Variants in GMPR observed in about 807,000 individuals in gnomAD.
GMPR encodes the protein guanosine monophosphate reductase.
A neutral mutation model predicts 38.4 loss-of-function variants in GMPR; 31 were observed. The observed-to-expected ratio is 0.81, with a 90% CI of 0.61 to 1.09. GMPR has a LOEUF of 1.09. Ranked by LOEUF, GMPR falls within the 50% of genes least tolerant of loss-of-function variation. The pLI is 0.00. For missense variants in GMPR, 468 were observed against 453.7 expected, an observed-to-expected ratio of 1.03 and a Z score of -0.29; for synonymous variants, 162 against 173.3, an observed-to-expected ratio of 0.93 and a Z score of 0.51.
intron 4 of GMPR, chr6:16,259,335 A>C (rs575827682): frequency 1.3e-5 from 2 of 151,928 alleles, no homozygotes; most frequent in African/African-American, 4.8e-5. Flanking sequence ...TTGTGGTAGA[A>C]TGTCATCAGT....
At position 16,275,406 on chromosome 6, in the gene GMPR, T is replaced by C. The variant is rs111438624; in HGVS notation, c.547+910T>C. Among the ~76,000 whole-genome samples, 1,345 of 152,256 alleles carry C rather than the reference T, an allele frequency of 8.8e-3. 10 individuals carry two copies. Among genetic ancestry groups the C allele is most frequent in the Non-Finnish European group, 0.015 (1,002 of 68,016 alleles). On this transcript the variant is annotated intron_variant, in intron 5 of 8. Transcript: ENST00000259727. ...GCTGTTGAGCTGTGACTTGGCTCCGTGATCAGCCTGAGGGAATTGGATGTG... is the reference window on the plus strand; with the variant it reads ...GCTGTTGAGCTGTGACTTGGCTCCGCGATCAGCCTGAGGGAATTGGATGTG...
intron 7 of GMPR, among the ~76,000 whole-genome samples, chr6:16,286,348 C>T (rs1759678109): frequency 6.6e-6 from 1 of 151,906 alleles, no homozygotes; most frequent in Admixed American, 6.5e-5. Context: ...CTCTGGAAAG[C>T]ACTAGACGCT....
At chr6:16,241,523 T>C (rs1043967703) in intron 1 of GMPR, among the ~76,000 whole-genome samples, 7 of 152,210 alleles carry the variant, frequency 4.6e-5, no homozygotes, top group African/African-American at 7.2e-5. Context: ...ATCTCTCAAA[T>C]GTCCAGCCCC....
At chr6:16,289,205 C>T (rs1040721634) in intron 7 of GMPR, among the ~76,000 whole-genome samples, 1 of 152,146 alleles carries the variant, frequency 6.6e-6, no homozygotes, top group African/African-American at 2.4e-5. Flanking sequence ...CCAACCCCAC[C>T]AGAAGGAAAA....
At chr6:16,239,796 C>G (rs1758611422) in intron 1 of GMPR, among the ~76,000 whole-genome samples, 2 of 152,242 alleles carry the variant, frequency 1.3e-5, no homozygotes, top group Admixed American at 1.3e-4. Flanking sequence ...CGAGGGCTTG[C>G]TTGGATTGGG....
intron 1 of GMPR, among the ~76,000 whole-genome samples, chr6:16,244,098 CTT>C (rs767681779): frequency 2.9e-5 from 4 of 136,686 alleles, no homozygotes; most frequent in South Asian, 2.3e-4. Flanking sequence ...AATGAAATTG[CTT>C]TTTTTTTTTT....
intron 4 of GMPR, among the ~76,000 whole-genome samples, chr6:16,267,646 T>TAACA (rs1251455101): frequency 6.6e-6 from 1 of 152,032 alleles, no homozygotes; most frequent in African/African-American, 2.4e-5. Flanking sequence ...CAGCCGAAGG[T>TAACA]CTGTGGCTCC....
intron 4 of GMPR, among the ~76,000 whole-genome samples, chr6:16,265,838 C>T (rs554707320): frequency 6.8e-4 from 104 of 152,272 alleles, no homozygotes; most frequent in Non-Finnish European, 9.8e-4. Flanking sequence ...AGGTTTTCTT[C>T]GTTCGCTTGC....
Position 16,274,462 on chromosome 6 carries a change from C to T in GMPR, c.513C>T (p.Ser171=), listed in dbSNP as rs528396154. 37 of 1,609,592 alleles carry T rather than the reference C, an allele frequency of 2.3e-5. No individual in the cohort carries two copies. The highest frequency in any genetic ancestry group is 1.6e-4 in the African/African-American group (12 of 74,830). ...AAATGGTAGAAGAGCTTATTCTTTCCGGAGCAGATATCATCAAAGTGGGAG... is the reference window on the plus strand; with the variant it reads ...AAATGGTAGAAGAGCTTATTCTTTCTGGAGCAGATATCATCAAAGTGGGAG... ...TGEMVEELIL[S]GADIIKVGVG... is the part of the protein sequence containing the mutation. Residue 171 remains serine, a synonymous_variant, in exon 5 of 9, where the codon TCC becomes TCT. Transcript: ENST00000259727.
intron 4 of GMPR, among the ~76,000 whole-genome samples, 186 bp downstream of exon 4, chr6:16,254,921 T>C (rs369312838): frequency 4.1e-4 from 63 of 152,214 alleles, no homozygotes; most frequent in African/African-American, 1.4e-3. Context: ...CTAGCTTCCC[T>C]CTATAAAAAA....
intron 4 of GMPR, among the ~76,000 whole-genome samples, chr6:16,266,831 A>G (rs370712539): frequency 2.0e-5 from 3 of 151,850 alleles, no homozygotes; most frequent in East Asian, 2.0e-4. Flanking sequence ...ACTCACTGTG[A>G]AGGTCGTGGC....
intron 8 of GMPR, among the ~76,000 whole-genome samples, chr6:16,294,405 G>A (rs917188436): frequency 1.3e-5 from 2 of 152,178 alleles, no homozygotes; most frequent in East Asian, 1.9e-4. Flanking sequence ...TGATTTCCAC[G>A]TAAGCTGGTA....
chr6:16,278,904 C>T lies in GMPR; in HGVS notation c.654+14C>T, dbSNP rs574606083. 32 of 1,549,182 alleles carry T rather than the reference C, an allele frequency of 2.1e-5. No homozygotes were observed. The highest frequency in any genetic ancestry group is 5.6e-5 in the South Asian group (5 of 88,720). On this transcript the variant is annotated intron_variant, in intron 6 of 8. Transcript: ENST00000259727. ...CACATCATCTCTGTGAGTCTCCACC[C>T]GGGGCTGAGGCTGGGGTGTCTTGGG...
intron 1 of GMPR, among the ~76,000 whole-genome samples, chr6:16,243,309 G>A (rs1758686335): frequency 6.6e-6 from 1 of 152,200 alleles, no homozygotes; most frequent in African/African-American, 2.4e-5. Flanking sequence ...CGGGTGTGCT[G>A]GACCAGCCTC....
At chr6:16,278,981 C>A in intron 6 of GMPR, 91 bp downstream of exon 6, 1 of 775,950 alleles carries the variant, frequency 1.3e-6, no homozygotes, top group Non-Finnish European at 2.2e-6. Context: ...ATCCTGTGGG[C>A]ATGGGAGGGA....
In GMPR at chr6:16,238,610, A is replaced by C; in HGVS notation, c.-84A>C. 1 of 355,622 alleles carries C rather than the reference A, an allele frequency of 2.8e-6. No individual in the cohort carries two copies. 22.0% of individuals were successfully genotyped at this position (355,622 alleles called of 1,614,324 possible). A position where few individuals can be genotyped will look rare whatever the true frequency, so the allele number is the denominator to read the frequency against. Reference sequence around the variant, plus strand: ...CCACGCCAGCTCCCGGCCGCGGCACAGCAGCCCCGGCGCTCCCCGCGCCGC... The same window carrying C: ...CCACGCCAGCTCCCGGCCGCGGCACCGCAGCCCCGGCGCTCCCCGCGCCGC... On this transcript the variant is annotated 5_prime_UTR_variant, in exon 1 of 9. Transcript: ENST00000259727.
chr6:16,240,792 G>A (rs544288664), intron 1 of GMPR, among the ~76,000 whole-genome samples: 17 of 152,356 alleles, frequency 1.1e-4, no homozygotes, highest in Non-Finnish European at 2.2e-4. Context: ...ACACATTGCA[G>A]TGAGAACTCA....
intron 5 of GMPR, among the ~76,000 whole-genome samples, chr6:16,278,443 G>A (rs753786356): frequency 1.3e-5 from 2 of 151,104 alleles, no homozygotes; most frequent in Non-Finnish European, 3.0e-5. Context: ...AGGTGGAAAG[G>A]AGTGGGTGTT....
intron 6 of GMPR, among the ~76,000 whole-genome samples, chr6:16,283,538 C>T (rs1353451889): frequency 4.6e-5 from 7 of 152,228 alleles, no homozygotes. Context: ...CTGACCATTT[C>T]ACAAGTGCAC....
Sources: gnomAD v4.1 joint callset for allele counts (sites outside exome capture counted in the v4.1 genomes callset) on GRCh38, gnomAD v4.1.1 for gene constraint, MANE v1.5 for transcripts, NCBI Gene and HGNC (gene_info 2026-07-23, HGNC 2026-07-21) for gene names.